Variants in SCN1A observed in about 807,000 individuals in gnomAD.
SCN1A encodes sodium channel protein type 1 subunit alpha.
In SCN1A, 13 loss-of-function variants were observed where a neutral mutation model predicts 193.7. The observed-to-expected ratio is 0.07, with a 90% CI of 0.04 to 0.11. SCN1A has a LOEUF of 0.11. SCN1A is among the 10% of genes least tolerant of loss of function. SCN1A has a pLI of 1.00. For synonymous variants in SCN1A, 781 were observed against 843.6 expected, an observed-to-expected ratio of 0.93 and a Z score of 1.29; for missense variants, 1,432 against 2,451.1, an observed-to-expected ratio of 0.58 and a Z score of 8.78.
At chr2:166,119,777 T>C (rs1400939146) in intron 2 of SCN1A, among the ~76,000 whole-genome samples, 1 of 152,130 alleles carries the variant, frequency 6.6e-6, no homozygotes, top group Non-Finnish European at 1.5e-5. Flanking sequence ...AGACAAAATA[T>C]TCAAACATTC....
chr2:166,136,899 A>G (rs1691882403), intron 1 of SCN1A, among the ~76,000 whole-genome samples: 1 of 152,144 alleles, frequency 6.6e-6, no homozygotes, highest in South Asian at 2.1e-4. Flanking sequence ...AGACTCTCCA[A>G]TTTTCTGCTA....
intron 2 of SCN1A, among the ~76,000 whole-genome samples, chr2:166,102,660 A>G (rs1300344451): frequency 2.0e-5 from 3 of 152,148 alleles, no homozygotes; most frequent in Non-Finnish European, 4.4e-5. Context: ...AATAAATGAA[A>G]ACAGAACTAC....
intron 1 of SCN1A, among the ~76,000 whole-genome samples, chr2:166,141,998 A>G (rs6432875): frequency 0.81 from 122,853 of 152,122 alleles, 50,219 homozygotes; most frequent in African/African-American, 0.94. Context: ...TAGAATCTAG[A>G]CTGTCTTAAA....
At chr2:166,030,492 T>C (rs1695419769) in intron 19 of SCN1A, among the ~76,000 whole-genome samples, 2 of 152,194 alleles carry the variant, frequency 1.3e-5, no homozygotes, top group Admixed American at 1.3e-4. Flanking sequence ...TTTAGTAATG[T>C]GCCTTTTTTG....
downstream of SCN1A, chr2:165,985,208 A>G (rs1159918161): frequency 2.0e-5 from 3 of 151,968 alleles, no homozygotes; most frequent in Non-Finnish European, 4.4e-5. Flanking sequence ...AAGGTATCTG[A>G]GAATGTAGAA....
intron 19 of SCN1A, chr2:166,027,155 C>A (rs1311051199): frequency 6.6e-6 from 1 of 152,152 alleles, no homozygotes; most frequent in African/African-American, 2.4e-5. Context: ...GCAGAGACCA[C>A]GTTGTATATG....
At chr2:165,995,403 T>C (rs536527834) in intron 27 of SCN1A, among the ~76,000 whole-genome samples, 5 of 151,146 alleles carry the variant, frequency 3.3e-5, no homozygotes, top group Non-Finnish European at 6.0e-5. Context: ...TAGCAATTTG[T>C]TTATTTCATC....
At chr2:166,038,178 A>G (rs745416750) in intron 17 of SCN1A, 46 bp from the exon 18 acceptor site, 1 of 1,376,156 alleles carries the variant, frequency 7.3e-7, no homozygotes, top group Non-Finnish European at 1.0e-6. Flanking sequence ...TCTTAAAAGC[A>G]TTATATATAT....
In SCN1A at chr2:166,052,842, T is replaced by C. The variant is rs373417440; in HGVS notation, c.694+10A>G. 1.2e-4 allele frequency: 198 copies of C among 1,606,734 alleles called. 1 individual carries two copies. The Middle Eastern group carries it at 1.5e-3, about 12-fold the overall frequency. ...GATGGGTCCGTCTCATTATCTAACC[T>C]TGCTCTCACCTGGAATGACTGAAAT... On this transcript the variant is annotated intron_variant, in intron 8 of 28. Coordinates refer to ENST00000674923, the MANE Select transcript of SCN1A (RefSeq NM_001165963.4).
chr2:166,018,023 C>T (rs750268438), intron 19 of SCN1A, among the ~76,000 whole-genome samples: 3 of 151,962 alleles, frequency 2.0e-5, no homozygotes, highest in Non-Finnish European at 4.4e-5. Context: ...ATTCTTTGCA[C>T]ATAAGTGTTT....
chr2:166,121,987 G>A (rs1346026543), intron 2 of SCN1A, among the ~76,000 whole-genome samples: 1 of 152,204 alleles, frequency 6.6e-6, no homozygotes, highest in Non-Finnish European at 1.5e-5. Context: ...CACATGCACA[G>A]AGGAAAAGAC....
At chr2:166,045,014 A>G (rs778541411) in intron 13 of SCN1A, 29 bp downstream of exon 13, 13 of 1,612,278 alleles carry the variant, frequency 8.1e-6, no homozygotes, top group Non-Finnish European at 1.1e-5. Flanking sequence ...ATTTTCAACC[A>G]TGCATCAGTA....
intron 11 of SCN1A, 94 bp from the exon 12 acceptor site, chr2:166,047,070 A>C: frequency 7.3e-7 from 1 of 1,365,442 alleles, no homozygotes; most frequent in South Asian, 1.2e-5. Context: ...CAAAACTCAG[A>C]TATAAATAGT....
Position 166,025,236 on chromosome 2 carries a change from G to A in SCN1A, c.3430-9509C>T, listed in dbSNP as rs575682864. Reference sequence around the variant, plus strand: ...GCTGGAAATCCAGTTCTTTTCCAGGGCTCAGGATCTTCTTCCAAGTTTACT... The same window carrying A: ...GCTGGAAATCCAGTTCTTTTCCAGGACTCAGGATCTTCTTCCAAGTTTACT... On this transcript the variant is annotated intron_variant, in intron 19 of 28. Transcript: ENST00000674923. Among the ~76,000 whole-genome samples the A allele has an allele frequency of 1.8e-4, 27 of 152,158 alleles. 1 individual carries two copies. Among genetic ancestry groups the A allele is most frequent in the Admixed American group, 1.7e-3 (26 of 15,270 alleles).
intron 3 of SCN1A, among the ~76,000 whole-genome samples, chr2:166,076,611 G>A (rs144124764): frequency 5.6e-4 from 85 of 152,020 alleles, no homozygotes; most frequent in African/African-American, 2.0e-3. Context: ...CAAAGTTGGA[G>A]GACTGACACT....
At chr2:166,006,958 G>GAAC (rs1224963402) in intron 23 of SCN1A, among the ~76,000 whole-genome samples, 1 of 151,036 alleles carries the variant, frequency 6.6e-6, no homozygotes, top group Admixed American at 6.6e-5. Context: ...CCCAAAGATG[G>GAAC]ATAACTCCAT....
chr2:166,024,534 T>C (rs2105710459), intron 19 of SCN1A, among the ~76,000 whole-genome samples: 1 of 152,376 alleles, frequency 6.6e-6, no homozygotes, highest in Middle Eastern at 3.4e-3. Context: ...TTCTTTTTTA[T>C]TGGCCAAATT....
At chr2:166,140,948 C>T (rs968987788) in intron 1 of SCN1A, among the ~76,000 whole-genome samples, 10 of 152,168 alleles carry the variant, frequency 6.6e-5, no homozygotes, top group African/African-American at 1.9e-4. Context: ...TCTTTGGCTC[C>T]ACCCAGACCT....
At chr2:166,010,815 A>C (rs1191428415) in intron 22 of SCN1A, among the ~76,000 whole-genome samples, 3 of 151,142 alleles carry the variant, frequency 2.0e-5, no homozygotes, top group African/African-American at 7.3e-5. Flanking sequence ...TCATTAAAGA[A>C]TTAAAACAGA....
Sources: allele counts gnomAD v4.1 joint callset (sites outside exome capture counted in the v4.1 genomes callset), GRCh38; gene constraint gnomAD v4.1.1; transcripts MANE v1.5; gene names NCBI Gene and HGNC (gene_info 2026-07-23, HGNC 2026-07-21).